Variants in STAC observed in about 807,000 individuals in gnomAD.
STAC encodes SH3 and cysteine-rich domain-containing protein.
STAC carries 43 observed loss-of-function variants against 48.8 expected under a neutral mutation model. The observed-to-expected ratio is 0.88, with a 90% CI of 0.69 to 1.14. The LOEUF is 1.14. STAC is among the 50% of genes most tolerant of loss of function. The pLI, the probability that STAC is intolerant of heterozygous loss-of-function variation, is 0.00. For synonymous variants in STAC, 193 were observed against 179.5 expected (o/e 1.07, Z -0.60); for missense variants, 497 against 504.0 (o/e 0.99, Z 0.13).
intron 2 of STAC, among the ~76,000 whole-genome samples, chr3:36,455,799 A>C (rs1321087072): frequency 6.6e-6 from 1 of 151,822 alleles, no homozygotes; most frequent in African/African-American, 2.4e-5. Flanking sequence ...CTACATTGTG[A>C]CCCACTTATT....
chr3:36,404,983 A>G (rs1031324220), intron 1 of STAC, among the ~76,000 whole-genome samples: 10 of 152,132 alleles, frequency 6.6e-5, no homozygotes, highest in Non-Finnish European at 1.5e-4. Flanking sequence ...AAATGGCAAA[A>G]CCACATTACT....
At chr3:36,536,470 A>T (rs895469484) in intron 10 of STAC, among the ~76,000 whole-genome samples, 5 of 152,162 alleles carry the variant, frequency 3.3e-5, no homozygotes, top group Non-Finnish European at 7.3e-5. Flanking sequence ...ATCTTTGACA[A>T]ATCTGACAAA....
intron 2 of STAC, among the ~76,000 whole-genome samples, chr3:36,472,946 C>T (rs1464099013): frequency 1.3e-5 from 2 of 152,222 alleles, no homozygotes; most frequent in African/African-American, 4.8e-5. Flanking sequence ...CCCCACTCTA[C>T]TGGTACCAAT....
chr3:36,400,299 A>C (rs1296566265), intron 1 of STAC, among the ~76,000 whole-genome samples: 1 of 152,218 alleles, frequency 6.6e-6, no homozygotes, highest in African/African-American at 2.4e-5. Context: ...AGCTACTGTC[A>C]AATGGTCATT....
chr3:36,499,282 A>G (rs1698226508), intron 6 of STAC, among the ~76,000 whole-genome samples: 1 of 152,232 alleles, frequency 6.6e-6, no homozygotes, highest in South Asian at 2.1e-4. Context: ...TTTTTAAAAT[A>G]ATGTTTTTAA....
At chr3:36,498,455 A>G (rs1045225350) in intron 6 of STAC, among the ~76,000 whole-genome samples, 1 of 152,222 alleles carries the variant, frequency 6.6e-6, no homozygotes, top group African/African-American at 2.4e-5. Context: ...TTAGAAGTAC[A>G]TAAAGAGAGA....
At chr3:36,485,146 G>A (rs557504462) in intron 4 of STAC, 88 bp downstream of exon 4, 9 of 1,078,650 alleles carry the variant, frequency 8.3e-6, no homozygotes, top group East Asian at 2.7e-5. Flanking sequence ...TGCAAAACCC[G>A]TGGGGTATCT....
intron 1 of STAC, among the ~76,000 whole-genome samples, chr3:36,396,757 C>T (rs1414796140): frequency 3.3e-5 from 5 of 152,106 alleles, no homozygotes; most frequent in African/African-American, 1.2e-4. Flanking sequence ...GCAATTTTAT[C>T]GTTTTTATAA....
chr3:36,452,338 A>G (rs1332313029), intron 2 of STAC, among the ~76,000 whole-genome samples: 1 of 152,200 alleles, frequency 6.6e-6, no homozygotes, highest in Non-Finnish European at 1.5e-5. Context: ...AATATAGTAT[A>G]ACCTTTCAAG....
At chr3:36,524,442 A>C (rs909175674) in intron 8 of STAC, among the ~76,000 whole-genome samples, 51 of 152,016 alleles carry the variant, frequency 3.4e-4, no homozygotes, top group African/African-American at 1.2e-3. Context: ...AAATACAAAA[A>C]TCAGCCAGGC....
At chr3:36,472,896 C>G (rs1455746263) in intron 2 of STAC, among the ~76,000 whole-genome samples, 2 of 152,206 alleles carry the variant, frequency 1.3e-5, no homozygotes, top group Non-Finnish European at 2.9e-5. Context: ...TATGCAGTTC[C>G]AAAGTCACTC....
intron 5 of STAC, among the ~76,000 whole-genome samples, chr3:36,488,983 T>C (rs1697892631): frequency 6.6e-6 from 1 of 152,152 alleles, no homozygotes; most frequent in South Asian, 2.1e-4. Flanking sequence ...CCAAGCCCTA[T>C]AACATATCCA....
intron 10 of STAC, among the ~76,000 whole-genome samples, chr3:36,544,177 T>G (rs1699392028): frequency 6.6e-6 from 1 of 152,172 alleles, no homozygotes; most frequent in Non-Finnish European, 1.5e-5. Context: ...TCAGTATTAC[T>G]GGCATGGGCA....
intron 3 of STAC, among the ~76,000 whole-genome samples, chr3:36,483,907 C>T (rs534474809): frequency 7.2e-5 from 11 of 152,228 alleles, no homozygotes; most frequent in South Asian, 6.2e-4. Context: ...GCCATTATTG[C>T]GCAACTGTAC....
chr3:36,456,462 G>T (rs1299765707), intron 2 of STAC, among the ~76,000 whole-genome samples: 1 of 152,100 alleles, frequency 6.6e-6, no homozygotes, highest in Admixed American at 6.6e-5. Flanking sequence ...AAATGCAGTC[G>T]TGCTCAGTTA....
At chr3:36,387,065 G>T (rs1699633075) in intron 1 of STAC, among the ~76,000 whole-genome samples, 1 of 152,024 alleles carries the variant, frequency 6.6e-6, no homozygotes, top group African/African-American at 2.4e-5. Context: ...TCAGTTTGGG[G>T]TTTACCAAAC....
At position 36,411,964 on chromosome 3, in the gene STAC, T is replaced by C. The variant is rs78604956; in HGVS notation, c.111+31210T>C. Among the ~76,000 whole-genome samples the C allele has an allele frequency of 4.0e-3, 616 of 152,316 alleles. 4 individuals are homozygous for C. The highest frequency in any genetic ancestry group is 0.014 in the African/African-American group (587 of 41,556). ...AAATCTACATATGCCCATGGGAGTA[T>C]AGCATATATGTGCTATACCAGTTAA... is the stretch of plus-strand genomic sequence containing the variant. On this transcript the variant is annotated intron_variant, in intron 1 of 10. Coordinates refer to ENST00000273183, the MANE Select transcript of STAC (RefSeq NM_003149.3).
chr3:36,392,229 G>T (rs980981603), intron 1 of STAC, among the ~76,000 whole-genome samples: 7 of 152,118 alleles, frequency 4.6e-5, no homozygotes, highest in African/African-American at 1.7e-4. Context: ...CCTCCCTACA[G>T]GTCGATACCC....
chr3:36,482,691 T>C (rs1327992978), intron 2 of STAC, among the ~76,000 whole-genome samples: 3 of 152,028 alleles, frequency 2.0e-5, no homozygotes, highest in African/African-American at 7.3e-5. Context: ...GTAACCTACA[T>C]GAAAAGCAAA....
Sources: gnomAD v4.1 joint callset for allele counts (sites outside exome capture counted in the v4.1 genomes callset) on GRCh38, gnomAD v4.1.1 for gene constraint, MANE v1.5 for transcripts, NCBI Gene and HGNC (gene_info 2026-07-23, HGNC 2026-07-21) for gene names.